Variants in FBXO44 observed in about 807,000 individuals in gnomAD.
FBXO44 encodes F-box protein 44.
In FBXO44, 25 loss-of-function variants were observed where a neutral mutation model predicts 33.5. That is an observed-to-expected ratio of 0.75 (90% CI 0.54 to 1.04). FBXO44 has a LOEUF of 1.04. Ranked by LOEUF, FBXO44 falls within the 50% of genes least tolerant of loss-of-function variation. The pLI is 0.00. For missense variants in FBXO44, 311 were observed against 344.0 expected (o/e 0.90, Z 0.76); for synonymous variants, 147 against 152.8 (o/e 0.96, Z 0.28).
At chr1:11,654,780 T>C (rs866310487), upstream of FBXO44, 149 of 152,152 alleles carry the variant, frequency 9.8e-4, no homozygotes, top group Admixed American at 2.6e-3. Context: ...CCAGGTAATT[T>C]TCCTACGACG....
intron 5 of FBXO44, among the ~76,000 whole-genome samples, chr1:11,660,249 G>A (rs1640096933): frequency 6.6e-6 from 1 of 152,104 alleles, no homozygotes; most frequent in Non-Finnish European, 1.5e-5. Context: ...CACAACCTCT[G>A]CCTCCCGGTT....
chr1:11,656,028 G>A lies in FBXO44; in HGVS notation c.193G>A (p.Val65Met), dbSNP rs760221597. 1.6e-5 allele frequency: 26 copies of A among 1,614,062 alleles called. No homozygotes were observed. Among genetic ancestry groups the A allele is most frequent in the Non-Finnish European group, 1.9e-5 (23 of 1,180,044 alleles). Reference protein sequence around the residue: ...GFITEDWDQPVADWKIFYFLR... With the variant: ...GFITEDWDQPMADWKIFYFLR... ...CATCACTGAGGACTGGGACCAGCCC[G>A]TGGCCGACTGGAAGATCTTCTACTT... is the stretch of plus-strand genomic sequence containing the variant. The change falls in exon 2 of 6, where the codon GTG becomes ATG. Residue 65 changes from valine to methionine, a missense_variant. Coordinates refer to ENST00000251547, the MANE Select transcript of FBXO44 (RefSeq NM_033182.7).
At chr1:11,655,333 A>C (rs2100603043) in intron 1 of FBXO44, 1 of 156,476 alleles carries the variant, frequency 6.4e-6, no homozygotes, top group African/African-American at 2.4e-5. Context: ...CCTAGGCAGG[A>C]GATCATGTCC....
intron 2 of FBXO44, 28 bp from the exon 3 acceptor site, chr1:11,658,238 CT>C: frequency 6.2e-7 from 1 of 1,612,058 alleles, no homozygotes; most frequent in Non-Finnish European, 8.5e-7. Context: ...AGGGGCTTCC[CT>C]TCAGTGTGAA....
At chr1:11,655,609 T>C (rs1472227244) in intron 1 of FBXO44, 197 bp from the exon 2 acceptor site, 1 of 600,054 alleles carries the variant, frequency 1.7e-6, no homozygotes, top group African/African-American at 1.9e-5. Flanking sequence ...ACCTCTATTG[T>C]GAGAGGCCAG....
Position 11,661,525 on chromosome 1 carries a change from C to A in FBXO44, c.*252C>A. On this transcript the variant is annotated 3_prime_UTR_variant, in exon 6 of 6. Transcript: ENST00000251547. The surrounding 1 kb of genome is among the most constrained non-coding windows in gnomAD (Gnocchi z 4.4). The stretch of plus-strand genomic sequence containing the variant: ...GCGTGTGCCCCTTTCAGAGACGGAG[C>A]ACCTGAGATGTGGGAGGTGCAGCAT... 1.9e-6 allele frequency: 1 copy of A among 513,322 alleles called. No homozygotes were observed. The highest frequency in any genetic ancestry group is 3.4e-6 in the Non-Finnish European group (1 of 292,688). The allele number at this position is 513,322 out of a possible 1,614,324, so 31.8% of individuals were successfully genotyped here. A position where few individuals can be genotyped will look rare whatever the true frequency, so the allele number is the denominator to read the frequency against.
Position 11,661,102 on chromosome 1 carries a change from T to A in FBXO44, c.625-28T>A. On this transcript the variant is annotated intron_variant, in intron 5 of 5. Coordinates refer to ENST00000251547, the MANE Select transcript of FBXO44 (RefSeq NM_033182.7). This position sits in a 1 kb window ranked among gnomAD's most constrained non-coding sequence, Gnocchi z 4.4. Reference sequence around the variant, plus strand: ...CCAGCCTGAGTCAGCTCCCTTGACCTTTCTCCCCCCTCTACCTGCCCTGCC... The same window carrying A: ...CCAGCCTGAGTCAGCTCCCTTGACCATTCTCCCCCCTCTACCTGCCCTGCC... 1 of 1,597,508 alleles carries A rather than the reference T, an allele frequency of 6.3e-7. No individual in the cohort carries two copies. The highest frequency in any genetic ancestry group is 8.6e-7 in the Non-Finnish European group (1 of 1,168,008).
chr1:11,658,913 A>G, intron 5 of FBXO44, 42 bp downstream of exon 5: 1 of 1,598,130 alleles, frequency 6.3e-7, no homozygotes, highest in Non-Finnish European at 8.5e-7. Context: ...AGATCGTCCA[A>G]GGCTGAGGCT....
chr1:11,657,681 C>T (rs1639897612), intron 2 of FBXO44, among the ~76,000 whole-genome samples: 1 of 152,112 alleles, frequency 6.6e-6, no homozygotes, highest in Admixed American at 6.5e-5. Flanking sequence ...GCAGAGGTTA[C>T]AGTGAGCTGA....
chr1:11,658,895 G>A (rs371453824), intron 5 of FBXO44, 24 bp downstream of exon 5: 9 of 1,601,270 alleles, frequency 5.6e-6, no homozygotes, highest in Middle Eastern at 1.7e-4. Context: ...GGGGACGGGG[G>A]CAGAGGCAGA....
chr1:11,658,793 G>A lies in FBXO44; in HGVS notation c.546G>A (p.Ser182=), dbSNP rs938195425. 3.5e-5 allele frequency: 57 copies of A among 1,613,784 alleles called. No individual in the cohort carries two copies. Among genetic ancestry groups the A allele is most frequent in the Middle Eastern group, 1.6e-4 (1 of 6,084 alleles). The change falls in exon 5 of 6, where the codon TCG becomes TCA. Residue 182 remains serine, a synonymous_variant. Coordinates refer to ENST00000251547, the MANE Select transcript of FBXO44 (RefSeq NM_033182.7). ...ACCAGCTGTGCGTTCAGCTCCTGTC[G>A]TCCGCGCACGCGCCTCTGGGGACCT... ...SKYQLCVQLL[S]SAHAPLGTFQ...
Position 11,661,576 on chromosome 1 carries a change from G to A in FBXO44, c.*303G>A, listed in dbSNP as rs1570256177. On this transcript the variant is annotated 3_prime_UTR_variant, in exon 6 of 6. Transcript: ENST00000251547. This position sits in a 1 kb window ranked among gnomAD's most constrained non-coding sequence, Gnocchi z 4.4. ...GTTCCCCTGGGCCCCTCAGAAAGTC[G>A]AGCTTGGAGGCCAGCCTGGATCTGT... 1.7e-5 allele frequency: 7 copies of A among 405,298 alleles called. No homozygotes were observed. The highest frequency in any genetic ancestry group is 3.9e-5 in the Admixed American group (1 of 25,538). 25.1% of individuals were successfully genotyped at this position (405,298 alleles called of 1,614,324 possible).
rs201882677 is a variant in FBXO44 at position 11,658,698 on chromosome 1, A to G, written c.489-38A>G. On this transcript the variant is annotated intron_variant, in intron 4 of 5. Coordinates refer to ENST00000251547, the MANE Select transcript of FBXO44 (RefSeq NM_033182.7). The stretch of plus-strand genomic sequence containing the variant: ...GCGCCCCACCCCCGCCCTGCCCCCA[A>G]TCTCCGAGGCCCTGATGGGCCCTCC... 2.1e-3 allele frequency: 3,335 copies of G among 1,610,730 alleles called. 56 individuals are homozygous for G. In the African/African-American group the frequency reaches 0.039, roughly 19 times the overall value.
chr1:11,656,714 T>C (rs1049989094), intron 2 of FBXO44, among the ~76,000 whole-genome samples: 1 of 152,128 alleles, frequency 6.6e-6, no homozygotes, highest in African/African-American at 2.4e-5. Flanking sequence ...CTGCCCGCCT[T>C]GGCCTCCCAA....
chr1:11,660,787 A>C (rs1288106911), intron 5 of FBXO44, among the ~76,000 whole-genome samples: 1 of 151,214 alleles, frequency 6.6e-6, no homozygotes, highest in East Asian at 1.9e-4. Context: ...CTCATCTTTT[A>C]TTTCTTTTGT....
chr1:11,658,343 G>A lies in FBXO44; in HGVS notation c.342G>A (p.Arg114=). 1 of 1,613,296 alleles carries A rather than the reference G, an allele frequency of 6.2e-7. No individual in the cohort carries two copies. The highest frequency in any genetic ancestry group is 8.5e-7 in the Non-Finnish European group (1 of 1,179,788). Residue 114 remains arginine, a synonymous_variant, in exon 3 of 6, where the codon AGG becomes AGA. Coordinates refer to ENST00000251547, the MANE Select transcript of FBXO44 (RefSeq NM_033182.7). ...TGGAGGATCTCTCTCGAGACCAGAG[G>A]AAGGAATTCCCCAATGACCAGGTCA... ...WKVEDLSRDQ[R]KEFPNDQVKK...
Position 11,657,991 on chromosome 1 carries a change from G to C in FBXO44, c.266-276G>C, listed in dbSNP as rs1639924167. On this transcript the variant is annotated intron_variant, in intron 2 of 5. Coordinates refer to ENST00000251547, the MANE Select transcript of FBXO44 (RefSeq NM_033182.7). ...CTGGTAGAGCTGGGACTAGACCCAG[G>C]TCTGTCTGGCCCACATCAGAGCGTT... Among the ~76,000 whole-genome samples the C allele has an allele frequency of 3.9e-5, 6 of 152,298 alleles. No homozygotes were observed. In the South Asian group the frequency reaches 1.2e-3, roughly 32 times the overall value.
At chr1:11,658,454 C>T in intron 3 of FBXO44, 61 bp downstream of exon 3, 8 of 1,611,524 alleles carry the variant, frequency 5.0e-6, no homozygotes, top group East Asian at 2.2e-5. Context: ...GGGTCTCTCC[C>T]ACCCTGGAAG....
intron 2 of FBXO44, among the ~76,000 whole-genome samples, chr1:11,656,692 G>T (rs560517373): frequency 6.6e-6 from 1 of 151,990 alleles, no homozygotes; most frequent in African/African-American, 2.4e-5. Context: ...CAAACTCCTG[G>T]CCTCAGGTGA....
Sources: allele counts gnomAD v4.1 joint callset (sites outside exome capture counted in the v4.1 genomes callset), GRCh38; gene constraint gnomAD v4.1.1; non-coding constraint Gnocchi (gnomAD v3.1); transcripts MANE v1.5; gene names NCBI Gene and HGNC (gene_info 2026-07-23, HGNC 2026-07-21).